The following FTO variants were observed in gnomAD, a reference collection of about 807,000 sequenced individuals.
FTO encodes FTO alpha-ketoglutarate dependent dioxygenase.
A neutral mutation model predicts 63.9 loss-of-function variants in FTO; 47 were observed. The observed-to-expected ratio is 0.74, with a 90% CI of 0.58 to 0.94. The LOEUF is 0.94. Ranked by LOEUF, FTO falls within the 40% of genes least tolerant of loss-of-function variation. The pLI is 0.00. For missense variants in FTO, 562 were observed against 618.1 expected (o/e 0.91, Z 0.96); for synonymous variants, 207 against 224.4 (o/e 0.92, Z 0.69).
intron 1 of FTO, among the ~76,000 whole-genome samples, chr16:53,794,627 G>A (rs928887965): frequency 2.0e-5 from 3 of 152,192 alleles, no homozygotes; most frequent in African/African-American, 7.2e-5. Context: ...TTTATATGGA[G>A]CTGTGGGTCT....
chr16:53,872,365 C>T (rs749642871), intron 4 of FTO, among the ~76,000 whole-genome samples: 1 of 152,166 alleles, frequency 6.6e-6, no homozygotes, highest in Non-Finnish European at 1.5e-5. Flanking sequence ...GTTTCTGTTC[C>T]AGCATTCTGC....
chr16:53,766,370 C>T (rs1028810656), intron 1 of FTO, among the ~76,000 whole-genome samples: 5 of 152,096 alleles, frequency 3.3e-5, no homozygotes, highest in East Asian at 1.9e-4. Context: ...TGACTACAGG[C>T]GTACATCACT....
At position 53,910,015 on chromosome 16, in the gene FTO, G is replaced by A. The variant is rs572788853; in HGVS notation, c.1239+21064G>A. 8.6e-5 allele frequency among the ~76,000 whole-genome samples: 13 copies of A among 151,926 alleles called. 1 individual carries two copies. The South Asian group carries it at 2.5e-3, about 29-fold the overall frequency. On this transcript the variant is annotated intron_variant, in intron 7 of 8. Coordinates refer to ENST00000471389, the MANE Select transcript of FTO (RefSeq NM_001080432.3). Reference sequence around the variant, plus strand: ...GCCTCAGCCTCCCAAATAGCTGGAAGTATAGCTCTACCACCACACAGTCTA... The same window carrying A: ...GCCTCAGCCTCCCAAATAGCTGGAAATATAGCTCTACCACCACACAGTCTA...
chr16:53,915,596 A>C (rs1414250080), intron 7 of FTO, among the ~76,000 whole-genome samples: 1 of 152,220 alleles, frequency 6.6e-6, no homozygotes. Flanking sequence ...AGCCTCCAAC[A>C]TGAAGGCATC....
rs187439131 is a variant in FTO, at chr16:54,053,039, G to T, written c.1365-58723G>T. Among the ~76,000 whole-genome samples, 15 of 152,220 alleles carry T rather than the reference G, an allele frequency of 9.9e-5. 1 individual carries two copies. The East Asian group carries it at 2.5e-3, about 26-fold the overall frequency. On this transcript the variant is annotated intron_variant, in intron 8 of 8. Coordinates refer to ENST00000471389, the MANE Select transcript of FTO (RefSeq NM_001080432.3). ...TTTGATTTTCCCAGTATTTGGAGTG[G>T]GTGGGCTGCTTCTGCTGTTGCCATT... is the stretch of plus-strand genomic sequence containing the variant.
intron 4 of FTO, among the ~76,000 whole-genome samples, chr16:53,850,707 G>A (rs1229141521): frequency 1.3e-4 from 20 of 151,724 alleles, no homozygotes; most frequent in Admixed American, 1.3e-3. Context: ...CTTATTACAG[G>A]ACTATTACAT....
intron 1 of FTO, among the ~76,000 whole-genome samples, chr16:53,760,621 CTTTTTTTTTT>C (rs1169039527): frequency 5.4e-5 from 6 of 112,038 alleles, no homozygotes; most frequent in Non-Finnish European, 1.1e-4. Flanking sequence ...TGCTTGCTTT[CTTTTTTTTTT>C]TTTTTTTTTT....
chr16:53,771,318 C>T (rs1012087376), intron 1 of FTO, among the ~76,000 whole-genome samples: 2 of 152,164 alleles, frequency 1.3e-5, no homozygotes, highest in African/African-American at 4.8e-5. Context: ...TTTCCCATTC[C>T]ACATTTCACC....
chr16:53,973,517 G>A (rs574377818), intron 8 of FTO, among the ~76,000 whole-genome samples: 1 of 152,258 alleles, frequency 6.6e-6, no homozygotes, highest in East Asian at 1.9e-4. Flanking sequence ...GTGAACCCTA[G>A]TGCAACAGGT....
intron 7 of FTO, among the ~76,000 whole-genome samples, chr16:53,897,603 T>G (rs1038328792): frequency 6.6e-6 from 1 of 152,226 alleles, no homozygotes; most frequent in African/African-American, 2.4e-5. Context: ...CAAATTTTAC[T>G]TGATGACATA....
intron 8 of FTO, among the ~76,000 whole-genome samples, chr16:53,983,224 A>G (rs574652121): frequency 8.5e-5 from 13 of 152,262 alleles, no homozygotes; most frequent in Admixed American, 5.9e-4. Flanking sequence ...CATGTCTGAT[A>G]CTCAACTTTT....
chr16:54,094,495 G>A (rs753954593), intron 8 of FTO, among the ~76,000 whole-genome samples: 2 of 152,152 alleles, frequency 1.3e-5, no homozygotes, highest in African/African-American at 2.4e-5. Flanking sequence ...TCAGTCTTCC[G>A]TGGCTCTCAG....
chr16:53,936,560 TC>T (rs1357179486), intron 8 of FTO, among the ~76,000 whole-genome samples: 1 of 152,140 alleles, frequency 6.6e-6, no homozygotes, highest in Non-Finnish European at 1.5e-5. Context: ...TTATAAAACA[TC>T]CACTGCAGTG....
intron 8 of FTO, among the ~76,000 whole-genome samples, chr16:53,960,865 C>G (rs2083061664): frequency 6.6e-6 from 1 of 151,994 alleles, no homozygotes; most frequent in African/African-American, 2.4e-5. Context: ...TTGGATTTCT[C>G]TGTCCGAAAA....
intron 1 of FTO, among the ~76,000 whole-genome samples, chr16:53,788,345 G>A (rs1259816271): frequency 6.6e-6 from 1 of 152,034 alleles, no homozygotes; most frequent in Admixed American, 6.6e-5. Context: ...GCTCATGCCT[G>A]TAATCCCAGC....
chr16:53,885,563 G>A (rs1210171820), intron 6 of FTO, among the ~76,000 whole-genome samples: 2 of 152,166 alleles, frequency 1.3e-5, no homozygotes, highest in Admixed American at 1.3e-4. Context: ...ACTTTTCCTG[G>A]TCAGAAAATT....
chr16:53,921,119 C>A (rs375359589), intron 7 of FTO, among the ~76,000 whole-genome samples: 1 of 152,338 alleles, frequency 6.6e-6, no homozygotes, highest in Non-Finnish European at 1.5e-5. Flanking sequence ...AAGGCCTGTG[C>A]CCTTCCTGCA....
intron 1 of FTO, among the ~76,000 whole-genome samples, chr16:53,801,869 T>A (rs557620358): frequency 9.2e-5 from 14 of 152,098 alleles, no homozygotes; most frequent in Admixed American, 6.5e-4. Flanking sequence ...AAGTGATTAT[T>A]GTGCCTCAGC....
intron 7 of FTO, among the ~76,000 whole-genome samples, chr16:53,891,598 C>T (rs182630308): frequency 3.9e-5 from 6 of 152,238 alleles, no homozygotes; most frequent in African/African-American, 1.4e-4. Context: ...GAGTTCAAGG[C>T]TACAGTGAGC....
Sources: allele counts gnomAD v4.1 joint callset (sites outside exome capture counted in the v4.1 genomes callset), GRCh38; gene constraint gnomAD v4.1.1; transcripts MANE v1.5; gene names NCBI Gene and HGNC (gene_info 2026-07-23, HGNC 2026-07-21).